SLC43A1: variants seen among roughly 807,000 people sequenced by gnomAD.
SLC43A1 encodes solute carrier family 43 member 1.
A neutral mutation model predicts 59.5 loss-of-function variants in SLC43A1; 31 were observed. The ratio of observed to expected loss-of-function variants is 0.52; its 90% CI spans 0.39 to 0.70. SLC43A1 has a LOEUF of 0.70. SLC43A1 is among the 30% of genes least tolerant of loss of function. SLC43A1 has a pLI of 0.00. For synonymous variants in SLC43A1, 259 were observed against 290.9 expected, an observed-to-expected ratio of 0.89 and a Z score of 1.12; for missense variants, 598 against 717.8, an observed-to-expected ratio of 0.83 and a Z score of 1.91.
At chr11:57,508,171 G>A (rs1944433358) in intron 2 of SLC43A1, among the ~76,000 whole-genome samples, 1 of 151,962 alleles carries the variant, frequency 6.6e-6, no homozygotes, top group African/African-American at 2.4e-5. Flanking sequence ...GGAGGCTGAG[G>A]CAGGAGAATC....
At chr11:57,508,239 C>A (rs1200776626) in intron 2 of SLC43A1, among the ~76,000 whole-genome samples, 2 of 151,036 alleles carry the variant, frequency 1.3e-5, no homozygotes, top group Non-Finnish European at 1.5e-5. Flanking sequence ...TGCACTCCAG[C>A]CTGGGCAACA....
In SLC43A1 at chr11:57,505,532, A is replaced by C. The variant is rs984557993; in HGVS notation, c.155-4203T>G. 7.9e-5 allele frequency among the ~76,000 whole-genome samples: 12 copies of C among 152,088 alleles called. 1 individual carries two copies. Among genetic ancestry groups the C allele is most frequent in the South Asian group, 6.2e-4 (3 of 4,830 alleles). On this transcript the variant is annotated intron_variant, in intron 2 of 14. Coordinates refer to ENST00000278426, the MANE Select transcript of SLC43A1 (RefSeq NM_003627.6). ...ATCTAAAAAAAACTAACAACAACAA[A>C]AAAAATAACAAAAAACGATACACGT...
Position 57,501,236 on chromosome 11 carries a change from C to T in SLC43A1, c.248G>A (p.Gly83Asp). The T allele has an allele frequency of 6.2e-7, 1 of 1,612,606 alleles. No homozygotes were observed. Among genetic ancestry groups the T allele is most frequent in the Non-Finnish European group, 8.5e-7 (1 of 1,180,038 alleles). Residue 83 changes from glycine to aspartate, a missense_variant, in exon 3 of 15, where the codon GGT becomes GAT. Physicochemically the swap from Gly to Asp is moderately conservative, Grantham distance 94. Transcript: ENST00000278426. ...DEMLNLGFTI[G>D]SFVLSATTLP... ...GGTGGTGGCGCTGAGCACGAAGGAACCAATGGTGAAGCCCAGGTTGAGCAT... is the reference window on the plus strand; with the variant it reads ...GGTGGTGGCGCTGAGCACGAAGGAATCAATGGTGAAGCCCAGGTTGAGCAT...
chr11:57,504,077 G>C (rs1160871199), intron 2 of SLC43A1, among the ~76,000 whole-genome samples: 1 of 152,054 alleles, frequency 6.6e-6, no homozygotes, highest in East Asian at 1.9e-4. Context: ...GGCGCCCGTA[G>C]TCCCAGCTAC....
intron 10 of SLC43A1, 57 bp downstream of exon 10, chr11:57,491,534 G>A (rs1590749647): frequency 1.9e-6 from 3 of 1,608,866 alleles, no homozygotes; most frequent in East Asian, 2.2e-5. Context: ...CCCGCCCCCT[G>A]AGAAGCGGGT....
chr11:57,485,133 G>A lies in SLC43A1; in HGVS notation c.1643C>T (p.Pro548Leu), dbSNP rs1019250507. The change falls in exon 15 of 15, where the codon CCA (proline) becomes CTA (leucine). Residue 548 changes from proline (P) to leucine (L), a missense_variant. Transcript: ENST00000278426. Reference protein sequence around the residue: ...QQEYAANGMGPLKVLSGSEVT... With the variant: ...QQEYAANGMGLLKVLSGSEVT... ...CTCAGAGCCGCTAAGCACCTTCAGT[G>A]GGCCCATCCCATTGGCGGCGTACTC... 15 of 1,613,998 alleles carry A rather than the reference G, an allele frequency of 9.3e-6. No homozygotes were observed. The African/African-American group carries it at 1.6e-4, about 17-fold the overall frequency.
chr11:57,489,224 GGA>G, intron 12 of SLC43A1, 25 bp downstream of exon 12: 1 of 1,613,914 alleles, frequency 6.2e-7, no homozygotes, highest in Non-Finnish European at 8.5e-7. Flanking sequence ...CGGGAGGCAG[GGA>G]GAGGGGAAGG....
At chr11:57,486,935 G>A (rs532871853) in intron 14 of SLC43A1, among the ~76,000 whole-genome samples, 160 bp downstream of exon 14, 15 of 152,310 alleles carry the variant, frequency 9.8e-5, no homozygotes, top group Middle Eastern at 3.4e-3. Context: ...TTAACACTCC[G>A]TGAGGGGTTC....
Position 57,504,175 on chromosome 11 carries a change from T to C in SLC43A1, c.155-2846A>G, listed in dbSNP as rs946287207. Among the ~76,000 whole-genome samples the C allele has an allele frequency of 5.3e-5, 8 of 152,088 alleles. No individual in the cohort carries two copies. In the East Asian group the frequency reaches 7.7e-4, roughly 15 times the overall value. On this transcript the variant is annotated intron_variant, in intron 2 of 14. Transcript: ENST00000278426. The stretch of plus-strand genomic sequence containing the variant: ...TCGCGCCACTGCACTCCAGCCTGGG[T>C]GACAGAGCAAGACTCCGTCTCAAAA...
chr11:57,485,344 A>T (rs1001030607), intron 14 of SLC43A1, 102 bp from the exon 15 acceptor site: 1 of 1,095,586 alleles, frequency 9.1e-7, no homozygotes, highest in Non-Finnish European at 1.3e-6. Flanking sequence ...GTCCTGAGCC[A>T]GAATAAATAC....
chr11:57,491,438 A>G (rs1943898871), intron 10 of SLC43A1, 76 bp from the exon 11 acceptor site: 1 of 1,556,556 alleles, frequency 6.4e-7, no homozygotes, highest in Non-Finnish European at 8.7e-7. Flanking sequence ...AGCGGAGGCC[A>G]GAGAGCACCA....
intron 7 of SLC43A1, among the ~76,000 whole-genome samples, chr11:57,495,085 C>A (rs1944040738): frequency 1.3e-5 from 2 of 151,976 alleles, no homozygotes; most frequent in South Asian, 4.2e-4. Context: ...CGACCTCAGG[C>A]GATCCACCCT....
At chr11:57,496,298 A>G (rs1223077681) in intron 6 of SLC43A1, 134 bp from the exon 7 acceptor site, 1 of 968,224 alleles carries the variant, frequency 1.0e-6, no homozygotes. Flanking sequence ...CAGATGAGGA[A>G]ACCAAGACCA....
intron 13 of SLC43A1, among the ~76,000 whole-genome samples, chr11:57,487,707 C>A (rs1468079667): frequency 6.6e-6 from 1 of 151,370 alleles, no homozygotes; most frequent in East Asian, 2.0e-4. Context: ...CTGAGAAAAA[C>A]CAAGCAGAGA....
chr11:57,487,196 TC>T lies in SLC43A1; in HGVS notation c.1431del (p.Thr478ArgfsTer2), dbSNP rs762469520. Reference protein sequence around the residue: ...YAAVFPSNHFGTLTGLQSLIS... With the variant: ...YAAVFPSNHFXTLTGLQSLIS... ...ATGAGGGACTGCAGGCCTGTCAGCG[TC>T]CCAAAGTGGTTGGATGGGAACCTGT... On this transcript the variant is annotated frameshift_variant, in exon 14 of 15. Coordinates refer to ENST00000278426, the MANE Select transcript of SLC43A1 (RefSeq NM_003627.6). LOFTEE classifies it high-confidence loss of function. The T allele has an allele frequency of 3.1e-6, 5 of 1,613,662 alleles. No individual in the cohort carries two copies. In the South Asian group the frequency reaches 3.3e-5, roughly 11 times the overall value.
intron 14 of SLC43A1, among the ~76,000 whole-genome samples, chr11:57,485,605 T>C (rs2076179965): frequency 6.6e-6 from 1 of 152,080 alleles, no homozygotes; most frequent in South Asian, 2.1e-4. Flanking sequence ...TGTTAACCAA[T>C]GGGATCCCGT....
At chr11:57,504,061 G>A (rs1302086661) in intron 2 of SLC43A1, among the ~76,000 whole-genome samples, 3 of 152,112 alleles carry the variant, frequency 2.0e-5, no homozygotes, top group Non-Finnish European at 4.4e-5. Context: ...GCCGGGCGTG[G>A]TGGTGGGCGC....
chr11:57,489,674 C>T (rs1394383597), intron 11 of SLC43A1, among the ~76,000 whole-genome samples: 1 of 152,202 alleles, frequency 6.6e-6, no homozygotes, highest in African/African-American at 2.4e-5. Context: ...GCGGGGATAT[C>T]TGCAAATCTG....
At chr11:57,501,445 G>A in intron 2 of SLC43A1, 116 bp from the exon 3 acceptor site, 1 of 1,013,794 alleles carries the variant, frequency 9.9e-7, no homozygotes, top group South Asian at 1.4e-5. Context: ...GCCTTTGGGG[G>A]TACCCTAGAG....
Sources: allele counts gnomAD v4.1 joint callset (sites outside exome capture counted in the v4.1 genomes callset), GRCh38; gene constraint gnomAD v4.1.1; transcripts MANE v1.5; gene names NCBI Gene and HGNC (gene_info 2026-07-23, HGNC 2026-07-21).